The following RORA variants were observed in gnomAD, a reference collection of about 807,000 sequenced individuals.
The protein encoded by RORA is RAR related orphan receptor A.
Under a neutral mutation model 69.5 loss-of-function variants are expected in RORA, and 7 were observed. That is an observed-to-expected ratio of 0.10 (90% CI 0.06 to 0.19). The LOEUF (loss-of-function observed/expected upper bound fraction) is 0.19. RORA is among the 10% of genes least tolerant of loss of function. RORA has a pLI of 1.00. For synonymous variants in RORA, 261 were observed against 240.8 expected, an observed-to-expected ratio of 1.08 and a Z score of -0.78; for missense variants, 457 against 663.0, an observed-to-expected ratio of 0.69 and a Z score of 3.41.
intron 1 of RORA, among the ~76,000 whole-genome samples, chr15:60,951,973 CAG>C (rs1180240667): frequency 6.7e-6 from 1 of 149,622 alleles, no homozygotes; most frequent in Admixed American, 6.7e-5. Context: ...CAAAGCCAGG[CAG>C]AGACACAACC....
chr15:60,628,199 G>C (rs1460622046), intron 2 of RORA, among the ~76,000 whole-genome samples: 1 of 152,120 alleles, frequency 6.6e-6, no homozygotes, highest in African/African-American at 2.4e-5. Flanking sequence ...ATTATGTTTA[G>C]CTGTCATGTC....
At chr15:60,667,773 C>T (rs1481718468) in intron 2 of RORA, among the ~76,000 whole-genome samples, 1 of 151,936 alleles carries the variant, frequency 6.6e-6, no homozygotes, top group Non-Finnish European at 1.5e-5. Context: ...GCATGCACCC[C>T]CATACCCAGC....
At chr15:61,121,034 G>C (rs2079098788) in intron 1 of RORA, among the ~76,000 whole-genome samples, 2 of 151,820 alleles carry the variant, frequency 1.3e-5, no homozygotes, top group African/African-American at 2.4e-5. Context: ...ATTTTTGGTA[G>C]AGACGGGGTT....
intron 1 of RORA, among the ~76,000 whole-genome samples, chr15:60,943,855 G>A (rs911484695): frequency 1.5e-5 from 2 of 132,022 alleles, no homozygotes; most frequent in East Asian, 4.8e-4. Flanking sequence ...GGCAGAGGTT[G>A]CAGTGACCCG....
intron 1 of RORA, among the ~76,000 whole-genome samples, chr15:61,078,707 C>G (rs1464172619): frequency 6.6e-6 from 1 of 151,964 alleles, no homozygotes; most frequent in African/African-American, 2.4e-5. Flanking sequence ...TATTAATGGC[C>G]AGAAACTGTA....
intron 2 of RORA, among the ~76,000 whole-genome samples, chr15:60,674,546 G>T (rs1266071777): frequency 6.6e-6 from 1 of 152,088 alleles, no homozygotes; most frequent in East Asian, 1.9e-4. Flanking sequence ...CAAAAGATTA[G>T]TTCTCAAAGA....
intron 1 of RORA, among the ~76,000 whole-genome samples, chr15:61,172,417 C>T (rs1229965523): frequency 2.6e-5 from 4 of 152,230 alleles, no homozygotes; most frequent in East Asian, 1.9e-4. Flanking sequence ...CATCTAAAAT[C>T]GGTTGGCTTA....
chr15:60,901,607 G>T (rs1891395798), intron 1 of RORA, among the ~76,000 whole-genome samples: 1 of 152,016 alleles, frequency 6.6e-6, no homozygotes, highest in Non-Finnish European at 1.5e-5. Flanking sequence ...CTTGATTTCT[G>T]AAAAAAAGAA....
intron 1 of RORA, among the ~76,000 whole-genome samples, chr15:61,173,956 A>C (rs1394136222): frequency 6.6e-6 from 1 of 152,206 alleles, no homozygotes. Flanking sequence ...CTGAATCAGC[A>C]GGTGAGGGGC....
At chr15:60,879,212 A>G (rs750937041) in intron 1 of RORA, among the ~76,000 whole-genome samples, 21 of 152,214 alleles carry the variant, frequency 1.4e-4, no homozygotes, top group Non-Finnish European at 1.9e-4. Flanking sequence ...GTTTACTGCA[A>G]TAGAGAACCA....
At chr15:60,972,633 G>A (rs754762577) in intron 1 of RORA, among the ~76,000 whole-genome samples, 11 of 152,110 alleles carry the variant, frequency 7.2e-5, no homozygotes, top group Non-Finnish European at 1.3e-4. Flanking sequence ...AAAATGCCTC[G>A]TGGTGTTTAG....
At chr15:61,204,777 G>A (rs550167843) in intron 1 of RORA, among the ~76,000 whole-genome samples, 4 of 152,346 alleles carry the variant, frequency 2.6e-5, no homozygotes, top group South Asian at 2.1e-4. Flanking sequence ...AAAAGTATGC[G>A]CAAGAGAGAG....
At chr15:60,514,024 G>A (rs2065785688) in intron 4 of RORA, among the ~76,000 whole-genome samples, 1 of 152,240 alleles carries the variant, frequency 6.6e-6, no homozygotes, top group African/African-American at 2.4e-5. Flanking sequence ...ATCTTGAAAT[G>A]TTTTGTACTT....
intron 1 of RORA, among the ~76,000 whole-genome samples, chr15:60,885,284 T>G (rs550763438): frequency 6.6e-5 from 10 of 152,308 alleles, no homozygotes; most frequent in African/African-American, 2.4e-4. Context: ...TACTCTGTAG[T>G]AGAACCATGT....
chr15:60,828,567 CAG>C (rs1736158618), intron 1 of RORA, among the ~76,000 whole-genome samples: 1 of 151,962 alleles, frequency 6.6e-6, no homozygotes, highest in African/African-American at 2.4e-5. Flanking sequence ...AGCCCCCACA[CAG>C]GGGAGAGTGC....
Position 60,556,900 on chromosome 15 carries a change from G to A in RORA, c.197-25049C>T, listed in dbSNP as rs144715228. On this transcript the variant is annotated intron_variant, in intron 2 of 10. Coordinates refer to ENST00000335670, the MANE Select transcript of RORA (RefSeq NM_134261.3). ...TTCCTTATCTTCCTTTTGTGAATATGGTGGCTTGCCATTCTGCCTCCAGGA... is the reference window on the plus strand; with the variant it reads ...TTCCTTATCTTCCTTTTGTGAATATAGTGGCTTGCCATTCTGCCTCCAGGA... 4 of 1,613,438 alleles carry A rather than the reference G, an allele frequency of 2.5e-6. No homozygotes were observed. In the African/African-American group the frequency reaches 4.0e-5, roughly 16 times the overall value.
At chr15:60,614,591 A>G (rs1444666470) in intron 2 of RORA, among the ~76,000 whole-genome samples, 1 of 152,178 alleles carries the variant, frequency 6.6e-6, no homozygotes, top group Non-Finnish European at 1.5e-5. Context: ...GCTTATAAAG[A>G]CATGGCTTCT....
intron 1 of RORA, among the ~76,000 whole-genome samples, chr15:61,092,638 T>C (rs1461422891): frequency 1.3e-5 from 2 of 152,226 alleles, no homozygotes; most frequent in Non-Finnish European, 2.9e-5. Context: ...TCCATGAGAT[T>C]CCATTTAAAC....
intron 1 of RORA, among the ~76,000 whole-genome samples, chr15:60,768,336 G>C (rs138823159): frequency 1.8e-3 from 267 of 152,302 alleles, no homozygotes; most frequent in African/African-American, 5.8e-3. Context: ...CTGTGGGATC[G>C]TGATGGGGCT....
Sources: allele counts gnomAD v4.1 joint callset (sites outside exome capture counted in the v4.1 genomes callset), GRCh38; gene constraint gnomAD v4.1.1; transcripts MANE v1.5; gene names NCBI Gene and HGNC (gene_info 2026-07-23, HGNC 2026-07-21).